PDE3A: variants seen among roughly 807,000 people sequenced by gnomAD.
The protein encoded by PDE3A is phosphodiesterase 3A.
Under a neutral mutation model 98.3 loss-of-function variants are expected in PDE3A, and 43 were observed. That is an observed-to-expected ratio of 0.44 (90% CI 0.34 to 0.56). PDE3A has a LOEUF of 0.56. PDE3A is among the 20% of genes least tolerant of loss of function. The pLI, the probability that PDE3A is intolerant of heterozygous loss-of-function variation, is 0.01. For missense variants in PDE3A, 1,427 were observed against 1,440.7 expected (o/e 0.99, Z 0.15); for synonymous variants, 663 against 567.9 (o/e 1.17, Z -2.38).
chr12:20,479,793 A>G (rs890199947), intron 1 of PDE3A, among the ~76,000 whole-genome samples: 1 of 152,206 alleles, frequency 6.6e-6, no homozygotes, highest in South Asian at 2.1e-4. Flanking sequence ...GAAATCTTCT[A>G]TGAACTCCTG....
chr12:20,486,370 T>C (rs1038499394), intron 1 of PDE3A, among the ~76,000 whole-genome samples: 2 of 152,240 alleles, frequency 1.3e-5, no homozygotes, highest in South Asian at 2.1e-4. Context: ...ATCATGAGAA[T>C]AGCATGGGGA....
At chr12:20,557,487 AT>A (rs2121273896) in intron 2 of PDE3A, among the ~76,000 whole-genome samples, 1 of 152,286 alleles carries the variant, frequency 6.6e-6, no homozygotes. Context: ...GTGGGTGGAA[AT>A]TTTTGCTTCT....
intron 15 of PDE3A, among the ~76,000 whole-genome samples, chr12:20,679,249 GTTTA>G (rs1247108880): frequency 1.3e-5 from 2 of 152,076 alleles, no homozygotes; most frequent in African/African-American, 4.8e-5. Context: ...TTAATTTTTA[GTTTA>G]TTTTATTTTT....
Position 20,570,440 on chromosome 12 carries a change from G to T in PDE3A, c.1011+13730G>T, listed in dbSNP as rs1366624310. On this transcript the variant is annotated intron_variant, in intron 2 of 15. Coordinates refer to ENST00000359062, the MANE Select transcript of PDE3A (RefSeq NM_000921.5). ...AAAAAAAAAAAAAAAAAAAAAAAAG[G>T]TGTAAAGGGAGTGAAATTTTTCTCT... 3.6e-5 allele frequency among the ~76,000 whole-genome samples: 3 copies of T among 83,518 alleles called. No individual in the cohort carries two copies. In the South Asian group the frequency reaches 1.1e-3, roughly 30 times the overall value. 54.8% of individuals were successfully genotyped at this position (83,518 alleles called of 152,430 possible). A position where few individuals can be genotyped will look rare whatever the true frequency, so the allele number is the denominator to read the frequency against.
chr12:20,673,036 G>A (rs12833538), intron 15 of PDE3A, among the ~76,000 whole-genome samples: 5,073 of 151,454 alleles, frequency 0.033, 114 homozygotes, highest in Middle Eastern at 0.065. Flanking sequence ...AAAAGTGGGC[G>A]AAGGACATGA....
intron 1 of PDE3A, among the ~76,000 whole-genome samples, chr12:20,460,003 A>T (rs1272050914): frequency 1.3e-5 from 2 of 152,200 alleles, no homozygotes; most frequent in South Asian, 2.1e-4. Context: ...CCATTGTGGC[A>T]TAGCAGTCTT....
At chr12:20,645,372 G>T (rs943677172) in intron 10 of PDE3A, among the ~76,000 whole-genome samples, 3 of 152,026 alleles carry the variant, frequency 2.0e-5, no homozygotes, top group Admixed American at 6.6e-5. Context: ...TTGACCATAG[G>T]TTTCCTCTTT....
At chr12:20,597,719 C>G (rs1176371169) in intron 2 of PDE3A, among the ~76,000 whole-genome samples, 1 of 152,180 alleles carries the variant, frequency 6.6e-6, no homozygotes, top group Non-Finnish European at 1.5e-5. Flanking sequence ...TCTCCTTTAT[C>G]CTCTAACCCC....
At chr12:20,475,837 A>G (rs1945523665) in intron 1 of PDE3A, among the ~76,000 whole-genome samples, 1 of 152,148 alleles carries the variant, frequency 6.6e-6, no homozygotes, top group South Asian at 2.1e-4. Context: ...AACAGGCCGT[A>G]CCCCTAAGAA....
intron 15 of PDE3A, among the ~76,000 whole-genome samples, chr12:20,678,876 T>G (rs1426636292): frequency 6.6e-6 from 1 of 152,108 alleles, no homozygotes; most frequent in Non-Finnish European, 1.5e-5. Flanking sequence ...TTTAACAACC[T>G]TTTCTGGAAC....
At chr12:20,632,214 A>G (rs1034543573) in intron 6 of PDE3A, among the ~76,000 whole-genome samples, 3 of 152,158 alleles carry the variant, frequency 2.0e-5, no homozygotes, top group African/African-American at 7.2e-5. Flanking sequence ...TCTCTAACCC[A>G]AACTGACAGA....
chr12:20,637,021 T>C (rs2121513224), intron 8 of PDE3A, 79 bp from the exon 9 acceptor site: 6 of 895,302 alleles, frequency 6.7e-6, no homozygotes, highest in Middle Eastern at 2.7e-4. Context: ...GCCACAGTTG[T>C]TATTGAATTT....
At chr12:20,618,281 T>G (rs1944053948) in intron 4 of PDE3A, among the ~76,000 whole-genome samples, 3 of 152,162 alleles carry the variant, frequency 2.0e-5, no homozygotes, top group Non-Finnish European at 4.4e-5. Flanking sequence ...AGTTTTGGCT[T>G]GATTATAAAT....
chr12:20,637,639 C>A (rs1944549054), intron 9 of PDE3A, among the ~76,000 whole-genome samples: 1 of 152,054 alleles, frequency 6.6e-6, no homozygotes, highest in Non-Finnish European at 1.5e-5. Context: ...TTGAATATTA[C>A]AGAGCTTAGG....
intron 15 of PDE3A, among the ~76,000 whole-genome samples, chr12:20,670,142 A>G (rs7959920): frequency 0.066 from 9,916 of 150,322 alleles, 666 homozygotes; most frequent in African/African-American, 0.18. Flanking sequence ...CAACAAGAAG[A>G]GCTAACTATC....
chr12:20,600,174 A>G (rs1460614674), intron 2 of PDE3A, among the ~76,000 whole-genome samples: 4 of 152,184 alleles, frequency 2.6e-5, no homozygotes, highest in Non-Finnish European at 5.9e-5. Context: ...TGTTGAAATG[A>G]CCATATATAT....
At chr12:20,561,184 G>A (rs1942508450) in intron 2 of PDE3A, among the ~76,000 whole-genome samples, 1 of 151,908 alleles carries the variant, frequency 6.6e-6, no homozygotes, top group African/African-American at 2.4e-5. Context: ...CTTGAGCCCC[G>A]GAGGCAGAGG....
chr12:20,668,194 T>C (rs568385050), intron 15 of PDE3A, among the ~76,000 whole-genome samples: 41 of 152,170 alleles, frequency 2.7e-4, no homozygotes, highest in Middle Eastern at 3.4e-3. Context: ...GCTTGGAGGG[T>C]CCTACGCCCA....
intron 2 of PDE3A, among the ~76,000 whole-genome samples, chr12:20,573,446 G>T (rs1942851656): frequency 6.6e-6 from 1 of 151,622 alleles, no homozygotes; most frequent in Admixed American, 6.6e-5. Context: ...CTTTACCTAT[G>T]AAGAGACAGA....
Sources: allele counts gnomAD v4.1 joint callset (sites outside exome capture counted in the v4.1 genomes callset), GRCh38; gene constraint gnomAD v4.1.1; transcripts MANE v1.5; gene names NCBI Gene and HGNC (gene_info 2026-07-23, HGNC 2026-07-21).